The following MGAM2 variants were observed in gnomAD, a reference collection of about 807,000 sequenced individuals.
The protein encoded by MGAM2 is probable maltase-glucoamylase 2.
In MGAM2, 98 loss-of-function variants were observed where a neutral mutation model predicts 96.1. That is an observed-to-expected ratio of 1.02 (90% CI 0.87 to 1.21). MGAM2 has a LOEUF of 1.21. MGAM2 is among the 50% of genes most tolerant of loss of function. The pLI, the probability that MGAM2 is intolerant of heterozygous loss-of-function variation, is 0.00. For missense variants in MGAM2, 2,055 were observed against 1,182.4 expected (o/e 1.74, Z -10.82); for synonymous variants, 749 against 414.8 (o/e 1.81, Z -9.79).
At position 142,164,981 on chromosome 7, in the gene MGAM2, T is replaced by G. The variant is rs1371027089; in HGVS notation, c.2610T>G (p.Val870=). The change falls in exon 24 of 48, where the codon GTT becomes GTG. Residue 870 remains valine, a synonymous_variant. Transcript: ENST00000477922. ...ATTTTATCGTCCTACTGAATAATGTTGCCACCTCCAGTCCAAGCGTTGTCT... is the reference window on the plus strand; with the variant it reads ...ATTTTATCGTCCTACTGAATAATGTGGCCACCTCCAGTCCAAGCGTTGTCT... ...PANFIVLLNN[V]ATSSPSVVYN... 4 of 702,680 alleles carry G rather than the reference T, an allele frequency of 5.7e-6. No homozygotes were observed. Among genetic ancestry groups the G allele is most frequent in the Non-Finnish European group, 1.0e-5 (4 of 384,832 alleles). 43.5% of individuals were successfully genotyped at this position (702,680 alleles called of 1,614,324 possible).
Position 142,171,439 on chromosome 7 carries a change from C to A in MGAM2, c.3350C>A (p.Ala1117Glu), listed in dbSNP as rs535378816. Residue 1117 changes from alanine (A) to glutamate (E), a missense_variant and splice_region_variant, in exon 28 of 48, where the codon GCG becomes GAG. Ala to Glu is a moderately radical substitution (Grantham distance 107). Coordinates refer to ENST00000477922, the MANE Select transcript of MGAM2 (RefSeq NM_001293626.2). ...WGMFAHDEPP[A>E]YKKNSYGVHP... is the part of the protein sequence containing the mutation. ...ATGTTTGCTCATGATGAGCCACCTG[C>A]GGTAGGGACAAAGGAATAAGTTTAG... 1.4e-5 allele frequency: 10 copies of A among 702,530 alleles called. No individual in the cohort carries two copies. Among genetic ancestry groups the A allele is most frequent in the Admixed American group, 6.0e-5 (3 of 49,948 alleles). The allele number at this position is 702,530 out of a possible 1,614,324, so 43.5% of individuals were successfully genotyped here.
chr7:142,122,654 T>A (rs1010776407), intron 3 of MGAM2, among the ~76,000 whole-genome samples: 2 of 152,210 alleles, frequency 1.3e-5, no homozygotes, highest in African/African-American at 4.8e-5. Flanking sequence ...TTCAGCACAT[T>A]TTTGAGATTC....
At chr7:142,113,110 G>A (rs750881204) in intron 1 of MGAM2, among the ~76,000 whole-genome samples, 10 of 152,164 alleles carry the variant, frequency 6.6e-5, no homozygotes, top group Non-Finnish European at 8.8e-5. Context: ...AATATTTGTA[G>A]AAATGGTCGT....
At position 142,164,893 on chromosome 7, in the gene MGAM2, T is replaced by C. The variant is rs753922604; in HGVS notation, c.2522T>C (p.Met841Thr). The C allele has an allele frequency of 5.7e-6, 4 of 701,680 alleles. No individual in the cohort carries two copies. The highest frequency in any genetic ancestry group is 1.0e-5 in the Non-Finnish European group (4 of 384,576). 43.5% of individuals were successfully genotyped at this position (701,680 alleles called of 1,614,324 possible). The change falls in exon 24 of 48, where the codon ATG becomes ACG. Residue 841 changes from methionine (M) to threonine (T), a missense_variant. Coordinates refer to ENST00000477922, the MANE Select transcript of MGAM2 (RefSeq NM_001293626.2). ...LQAKIINNNY[M>T]DTDNLMFTDI... is the part of the protein sequence containing the mutation. ...GCAAAGATTATAAATAATAATTATATGGACACTGACAACCTCATGTTCACA... is the reference window on the plus strand; with the variant it reads ...GCAAAGATTATAAATAATAATTATACGGACACTGACAACCTCATGTTCACA...
intron 42 of MGAM2, among the ~76,000 whole-genome samples, 152 bp from the exon 43 acceptor site, chr7:142,197,987 A>C (rs762041932): frequency 1.3e-5 from 2 of 152,128 alleles, no homozygotes; most frequent in Non-Finnish European, 2.9e-5. Flanking sequence ...CTGAGGAATA[A>C]TTTTTCAGGA....
chr7:142,212,956 A>C (rs1797635610), intron 46 of MGAM2, among the ~76,000 whole-genome samples: 1 of 152,124 alleles, frequency 6.6e-6, no homozygotes, highest in Non-Finnish European at 1.5e-5. Context: ...TCAGAAAATG[A>C]AAAAGAACAG....
intron 16 of MGAM2, among the ~76,000 whole-genome samples, chr7:142,154,427 G>A (rs1288011932): frequency 6.6e-6 from 1 of 152,208 alleles, no homozygotes; most frequent in Non-Finnish European, 1.5e-5. Context: ...TGAATAAAAT[G>A]TATTAGTATC....
In MGAM2 at chr7:142,143,880, AT is replaced by A; in HGVS notation, c.1431del (p.Ile477MetfsTer3). On this transcript the variant is annotated frameshift_variant and splice_region_variant, in exon 13 of 48. Transcript: ENST00000477922. LOFTEE classifies it high-confidence loss of function. ...TCATCTGGAGTTTGATGGAGTGTGGATTGTAAGTTATTATTCCTGACTCAAA... is the reference window on the plus strand; with the variant it reads ...TCATCTGGAGTTTGATGGAGTGTGGATGTAAGTTATTATTCCTGACTCAAA... ...HDHLEFDGVWIEMNEVSSLLQ... is the reference protein window; with the variant it reads ...HDHLEFDGVWXEMNEVSSLLQ... 1 of 702,690 alleles carries A rather than the reference AT, an allele frequency of 1.4e-6. No homozygotes were observed. The highest frequency in any genetic ancestry group is 2.3e-4 in the Middle Eastern group (1 of 4,370). The allele number at this position is 702,690 out of a possible 1,614,324, so 43.5% of individuals were successfully genotyped here. A position where few individuals can be genotyped will look rare whatever the true frequency, so the allele number is the denominator to read the frequency against.
At chr7:142,140,523 CAAGTT>C (rs1354151181) in intron 10 of MGAM2, among the ~76,000 whole-genome samples, 1 of 152,224 alleles carries the variant, frequency 6.6e-6, no homozygotes, top group East Asian at 1.9e-4. Context: ...TCCAAGCTCT[CAAGTT>C]AAAGAGATGA....
At chr7:142,151,063 C>T (rs1399500202) in intron 15 of MGAM2, among the ~76,000 whole-genome samples, 1 of 152,178 alleles carries the variant, frequency 6.6e-6, no homozygotes, top group Non-Finnish European at 1.5e-5. Flanking sequence ...TTCCAATATG[C>T]TTAGTATGCA....
intron 45 of MGAM2, among the ~76,000 whole-genome samples, chr7:142,206,378 C>T (rs1797400786): frequency 6.6e-6 from 1 of 152,110 alleles, no homozygotes; most frequent in African/African-American, 2.4e-5. Flanking sequence ...CCTCTCCCCA[C>T]TTGATGTCAA....
chr7:142,148,027 T>A lies in MGAM2; in HGVS notation c.1634+454T>A, dbSNP rs1258124282. 2.6e-5 allele frequency among the ~76,000 whole-genome samples: 4 copies of A among 152,080 alleles called. No homozygotes were observed. Among genetic ancestry groups the A allele is most frequent in the East Asian group, 1.9e-4 (1 of 5,190 alleles). ...ATTTATCTGGAAATGCTACACCATA[T>A]CCTTCTATTTCCTTCCCAATGTCCT... On this transcript the variant is annotated intron_variant, in intron 15 of 47. Transcript: ENST00000477922. The surrounding 1 kb of genome is among the most constrained non-coding windows in gnomAD (Gnocchi z 4.2).
intron 44 of MGAM2, 108 bp from the exon 45 acceptor site, chr7:142,199,772 A>G: frequency 2.0e-6 from 1 of 501,906 alleles, no homozygotes; most frequent in Non-Finnish European, 3.5e-6. Flanking sequence ...ATGCATATTT[A>G]ATACATTTCT....
At chr7:142,145,173 C>T (rs1002413771) in intron 14 of MGAM2, among the ~76,000 whole-genome samples, 3 of 152,152 alleles carry the variant, frequency 2.0e-5, no homozygotes, top group African/African-American at 7.2e-5. Flanking sequence ...TGCCTACCTC[C>T]CCTGGCTGCC....
chr7:142,121,924 C>T (rs1322331446), intron 3 of MGAM2, among the ~76,000 whole-genome samples: 3 of 151,796 alleles, frequency 2.0e-5, no homozygotes, highest in Non-Finnish European at 4.4e-5. Flanking sequence ...GGTTGGCAAC[C>T]CTTATTTTAT....
chr7:142,121,523 A>G (rs1387545872), intron 3 of MGAM2, among the ~76,000 whole-genome samples: 1 of 151,936 alleles, frequency 6.6e-6, no homozygotes, highest in African/African-American at 2.4e-5. Flanking sequence ...TGTTTCTCTT[A>G]TATGTTTTAT....
intron 31 of MGAM2, among the ~76,000 whole-genome samples, chr7:142,174,715 C>CTTTATTTTTTTT (rs1796310878): frequency 1.2e-5 from 1 of 85,460 alleles, no homozygotes; most frequent in African/African-American, 5.7e-5. Flanking sequence ...CTCTCTCTCT[C>CTTTATTTTTTTT]TTTTTTTTTT....
At chr7:142,160,989 G>A (rs1390358336) in intron 21 of MGAM2, 136 bp from the exon 22 acceptor site, 1 of 547,070 alleles carries the variant, frequency 1.8e-6, no homozygotes, top group Non-Finnish European at 3.3e-6. Flanking sequence ...GCTCCCATGT[G>A]TCCACCCAAT....
intron 19 of MGAM2, among the ~76,000 whole-genome samples, chr7:142,158,655 C>T (rs143568976): frequency 4.6e-5 from 7 of 152,052 alleles, no homozygotes; most frequent in Admixed American, 6.5e-5. Flanking sequence ...TTGTCCAGAG[C>T]GGGTGTGCTC....
Sources: allele counts gnomAD v4.1 joint callset (sites outside exome capture counted in the v4.1 genomes callset), GRCh38; gene constraint gnomAD v4.1.1; non-coding constraint Gnocchi (gnomAD v3.1); transcripts MANE v1.5; gene names NCBI Gene and HGNC (gene_info 2026-07-23, HGNC 2026-07-21).